Variants in SLC25A45 observed in about 807,000 individuals in gnomAD.
SLC25A45 encodes the protein methylated amino-acid transporter SLC25A45.
Under a neutral mutation model 23.0 loss-of-function variants are expected in SLC25A45, and 22 were observed. The ratio of observed to expected loss-of-function variants is 0.95; its 90% CI spans 0.68 to 1.36. The LOEUF (loss-of-function observed/expected upper bound fraction) is 1.36, where lower values mean the gene tolerates loss of function less well. Ranked by LOEUF, SLC25A45 falls within the 40% of genes most tolerant of loss-of-function variation. SLC25A45 has a pLI of 0.00. For synonymous variants in SLC25A45, 136 were observed against 155.0 expected (o/e 0.88, Z 0.91); for missense variants, 355 against 383.5 (o/e 0.93, Z 0.62).
intron 5 of SLC25A45, chr11:65,378,211 A>G (rs1467582062): frequency 6.6e-6 from 1 of 152,170 alleles, no homozygotes; most frequent in African/African-American, 2.4e-5. Flanking sequence ...ACACCCCCAC[A>G]GGGGTGGTGG....
chr11:65,377,737 C>A (rs1855292604), intron 5 of SLC25A45: 1 of 152,428 alleles, frequency 6.6e-6, no homozygotes, highest in Admixed American at 6.5e-5. Flanking sequence ...GGGCTGGAGT[C>A]CTGGTGAGGG....
intron 5 of SLC25A45, chr11:65,377,563 C>G: frequency 4.1e-6 from 1 of 242,586 alleles, no homozygotes; most frequent in Non-Finnish European, 6.7e-6. Flanking sequence ...CGGAGGGGCA[C>G]AAGGCCAGCC....
At chr11:65,380,520 A>G in intron 2 of SLC25A45, 1 of 1,384,384 alleles carries the variant, frequency 7.2e-7, no homozygotes. Context: ...TGGGAGAATC[A>G]CCCAGGTTCC....
At chr11:65,377,423 C>G in intron 5 of SLC25A45, 1 of 1,118,364 alleles carries the variant, frequency 8.9e-7, no homozygotes, top group Non-Finnish European at 1.1e-6. Flanking sequence ...AGTGAGCATA[C>G]CTGTACGGTG....
At chr11:65,376,718 G>A (rs749311126) in intron 6 of SLC25A45, 43 bp from the exon 7 acceptor site, 4 of 1,613,770 alleles carry the variant, frequency 2.5e-6, no homozygotes, top group Admixed American at 3.3e-5. Context: ...ACCCAGAACA[G>A]AGCATCCTCC....
chr11:65,376,228 C>T lies in SLC25A45; in HGVS notation c.*179G>A, dbSNP rs900677915. On this transcript the variant is annotated 3_prime_UTR_variant, in exon 7 of 7. Coordinates refer to ENST00000398802, the MANE Select transcript of SLC25A45 (RefSeq NM_182556.4). ...GCTACACAGGGAGGCTGCACAGGCC[C>T]CCTGGCTTCCGGCTCCCACAGGTGT... is the stretch of plus-strand genomic sequence containing the variant. 8.6e-6 allele frequency: 6 copies of T among 694,274 alleles called. No homozygotes were observed. Among genetic ancestry groups the T allele is most frequent in the Admixed American group, 6.0e-5 (2 of 33,534 alleles). The allele number at this position is 694,274 out of a possible 1,614,324, so 43.0% of individuals were successfully genotyped here.
chr11:65,376,325 C>T lies in SLC25A45; in HGVS notation c.*82G>A. On this transcript the variant is annotated 3_prime_UTR_variant, in exon 7 of 7. Transcript: ENST00000398802. ...GGGCTGAGCCTCTTGCACTGATTTG[C>T]AAGCTTTCAACCTGGCCTCCAATCT... The T allele has an allele frequency of 1.3e-6, 2 of 1,519,232 alleles. No individual in the cohort carries two copies. Among genetic ancestry groups the T allele is most frequent in the Middle Eastern group, 1.7e-4 (1 of 5,836 alleles). The allele number at this position is 1,519,232 out of a possible 1,614,324, so 94.1% of individuals were successfully genotyped here.
rs1855193531 is a variant in SLC25A45, at chr11:65,376,555, T to G, written c.719A>C (p.Gln240Pro). 2 of 1,614,158 alleles carry G rather than the reference T, an allele frequency of 1.2e-6. No homozygotes were observed. The highest frequency in any genetic ancestry group is 4.5e-5 in the East Asian group (2 of 44,882). The part of the protein sequence containing the change: ...QMDGLRRRVY[Q>P]GMLDCMVSSI... The stretch of plus-strand genomic sequence containing the variant: ...GCTCACCATGCAGTCCAGCATCCCC[T>G]GGTACACTCTGCGTCTCAGTCCATC... The change falls in exon 7 of 7, where the codon CAG (glutamine) becomes CCG (proline). Residue 240 changes from glutamine (Q) to proline (P), a missense_variant. By Grantham distance (76) the Gln-to-Pro change is moderately conservative (BLOSUM62 -1). Transcript: ENST00000398802.
rs1228860195 is a variant in SLC25A45 at position 65,375,906 on chromosome 11, C to T, written c.*501G>A. On this transcript the variant is annotated 3_prime_UTR_variant, in exon 7 of 7. Transcript: ENST00000398802. Reference sequence around the variant, plus strand: ...TGAAACCCTGTCTCTACTAAAAATACAAAAATTTAGCTGGGTGTGGTGGCG... The same window carrying T: ...TGAAACCCTGTCTCTACTAAAAATATAAAAATTTAGCTGGGTGTGGTGGCG... 6.3e-6 allele frequency: 1 copy of T among 158,646 alleles called. No individual in the cohort carries two copies. Among genetic ancestry groups the T allele is most frequent in the Admixed American group, 6.0e-5 (1 of 16,580 alleles). 9.8% of individuals were successfully genotyped at this position (158,646 alleles called of 1,614,324 possible).
chr11:65,376,999 G>C lies in SLC25A45; in HGVS notation c.417C>G (p.Ser139Arg), dbSNP rs201853467. Residue 139 changes from serine to arginine, a missense_variant, in exon 6 of 7, where the codon AGC becomes AGG. Physicochemically the swap from Ser to Arg is moderately radical, Grantham distance 110 (BLOSUM62 -1). Transcript: ENST00000398802. Reference sequence around the variant, plus strand: ...CGGGCCCCTGGTACCGGGGTGGGGGGCTCCCTGGCTGGGCCCTTGGCTCTG... The same window carrying C: ...CGGGCCCCTGGTACCGGGGTGGGGGCCTCCCTGGCTGGGCCCTTGGCTCTG... ...NQTEPRAQPG[S>R]PPPRYQGPVH... The C allele has an allele frequency of 3.1e-6, 5 of 1,613,756 alleles. No individual in the cohort carries two copies. In the Admixed American group the frequency reaches 8.3e-5, roughly 27 times the overall value.
chr11:65,379,585 G>C, intron 4 of SLC25A45, 24 bp from the exon 5 acceptor site: 1 of 1,588,620 alleles, frequency 6.3e-7, no homozygotes, highest in Non-Finnish European at 8.6e-7. Context: ...CAGTGGCAGC[G>C]GAGTAGGCAC....
Position 65,376,823 on chromosome 11 carries a change from T to A in SLC25A45, c.593A>T (p.Asn198Ile). ...TCTCACGCCACTTTACTTACTGGGATTCTGGCCTTCTGGTGTGTACTGGCG... is the reference window on the plus strand; with the variant it reads ...TCTCACGCCACTTTACTTACTGGGAATCTGGCCTTCTGGTGTGTACTGGCG... ...LCRQYTPEGQ[N>I]PSSATVLVAG... Residue 198 changes from asparagine to isoleucine, a missense_variant, in exon 6 of 7, where the codon AAT becomes ATT. Transcript: ENST00000398802. 1 of 1,614,232 alleles carries A rather than the reference T, an allele frequency of 6.2e-7. No homozygotes were observed. Among genetic ancestry groups the A allele is most frequent in the Non-Finnish European group, 8.5e-7 (1 of 1,180,044 alleles).
intron 5 of SLC25A45, chr11:65,379,019 G>A (rs1388977291): frequency 1.0e-5 from 3 of 295,996 alleles, no homozygotes; most frequent in South Asian, 6.7e-5. Context: ...GCTCTGCGGG[G>A]TGCTGGTGGT....
chr11:65,382,433 C>A lies in SLC25A45; in HGVS notation c.-19+53G>T, dbSNP rs1855623317. ...GCCACCAGGGGGTAGGCCCAGCCCGCATTTGCCGCTGCGTGGCAGGGTGGG... is the reference window on the plus strand; with the variant it reads ...GCCACCAGGGGGTAGGCCCAGCCCGAATTTGCCGCTGCGTGGCAGGGTGGG... On this transcript the variant is annotated intron_variant, in intron 1 of 6. Coordinates refer to ENST00000398802, the MANE Select transcript of SLC25A45 (RefSeq NM_182556.4). The surrounding 1 kb of genome is among the most constrained non-coding windows in gnomAD (Gnocchi z 4.4). 1 of 188,300 alleles carries A rather than the reference C, an allele frequency of 5.3e-6. No individual in the cohort carries two copies. Among genetic ancestry groups the A allele is most frequent in the Non-Finnish European group, 1.1e-5 (1 of 87,370 alleles). 11.7% of individuals were successfully genotyped at this position (188,300 alleles called of 1,614,324 possible).
At chr11:65,381,843 A>G (rs893748424) in intron 2 of SLC25A45, 72 bp downstream of exon 2, 7 of 1,595,520 alleles carry the variant, frequency 4.4e-6, no homozygotes, top group East Asian at 2.2e-5. Context: ...TGCTCCTCCC[A>G]TGTCACCCAT....
At chr11:65,381,722 T>G in intron 2 of SLC25A45, 193 bp downstream of exon 2, 10 of 627,188 alleles carry the variant, frequency 1.6e-5, no homozygotes, top group East Asian at 2.9e-5. Context: ...GCCCAGCTAA[T>G]TATTTTGATT....
chr11:65,378,472 T>C (rs1301203598), intron 5 of SLC25A45: 1 of 152,232 alleles, frequency 6.6e-6, no homozygotes, highest in Non-Finnish European at 1.5e-5. Context: ...GCCTGGCCAC[T>C]TAGCTTAGGG....
In SLC25A45 at chr11:65,376,856, C is replaced by T. The variant is rs769419361; in HGVS notation, c.560G>A (p.Gly187Glu). 2 of 1,614,240 alleles carry T rather than the reference C, an allele frequency of 1.2e-6. No individual in the cohort carries two copies. Among genetic ancestry groups the T allele is most frequent in the East Asian group, 2.2e-5 (1 of 44,890 alleles). ...TVGIYFITYE[G>E]LCRQYTPEGQ... Reference sequence around the variant, plus strand: ...TTCTGGTGTGTACTGGCGACAGAGCCCTTCATAGGTGATGAAGTAGATCCC... The same window carrying T: ...TTCTGGTGTGTACTGGCGACAGAGCTCTTCATAGGTGATGAAGTAGATCCC... The change falls in exon 6 of 7, where the codon GGG (glycine) becomes GAG (glutamate). Residue 187 changes from glycine to glutamate, a missense_variant. Coordinates refer to ENST00000398802, the MANE Select transcript of SLC25A45 (RefSeq NM_182556.4).
At chr11:65,377,204 C>T (rs992105054) in intron 5 of SLC25A45, 128 bp from the exon 6 acceptor site, 2 of 1,448,376 alleles carry the variant, frequency 1.4e-6, no homozygotes, top group Non-Finnish European at 1.8e-6. Context: ...CTGCCGGCAC[C>T]CAGCCTCTCA....
Sources: gnomAD v4.1 joint callset for allele counts on GRCh38, gnomAD v4.1.1 for gene constraint, Gnocchi (gnomAD v3.1) non-coding constraint, MANE v1.5 for transcripts, NCBI Gene and HGNC (gene_info 2026-07-23, HGNC 2026-07-21) for gene names.